The following FBXL13 variants were observed in gnomAD, a reference collection of about 807,000 sequenced individuals.
The protein encoded by FBXL13 is F-box and leucine-rich repeat protein 13.
FBXL13 carries 67 observed loss-of-function variants against 83.6 expected under a neutral mutation model. The ratio of observed to expected loss-of-function variants is 0.80; its 90% CI spans 0.66 to 0.98. The LOEUF is 0.98. Ranked by LOEUF, FBXL13 falls within the 50% of genes least tolerant of loss-of-function variation. The pLI, the probability that FBXL13 is intolerant of heterozygous loss-of-function variation, is 0.00. For missense variants in FBXL13, 822 were observed against 866.5 expected (o/e 0.95, Z 0.64); for synonymous variants, 272 against 299.5 (o/e 0.91, Z 0.95).
chr7:102,881,218 G>C (rs184498863), intron 14 of FBXL13, among the ~76,000 whole-genome samples: 83 of 152,192 alleles, frequency 5.5e-4, no homozygotes, highest in African/African-American at 1.9e-3. Flanking sequence ...GGCCGAGGCA[G>C]GTGGGTCACC....
At chr7:103,009,166 T>C (rs77291772) in intron 6 of FBXL13, among the ~76,000 whole-genome samples, 1,676 of 149,114 alleles carry the variant, frequency 0.011, 35 homozygotes, top group African/African-American at 0.04. Flanking sequence ...CTTAGAAAAA[T>C]AACTAAGAAT....
At chr7:102,860,528 G>C (rs1387770823) in intron 16 of FBXL13, among the ~76,000 whole-genome samples, 2 of 152,172 alleles carry the variant, frequency 1.3e-5, no homozygotes, top group African/African-American at 4.8e-5. Flanking sequence ...AGGGAAGATG[G>C]AACACTGCCA....
At chr7:102,845,426 A>T (rs527575522) in intron 17 of FBXL13, among the ~76,000 whole-genome samples, 1 of 152,156 alleles carries the variant, frequency 6.6e-6, no homozygotes, top group Non-Finnish European at 1.5e-5. Flanking sequence ...ACCAAGATAT[A>T]TATATTTCCT....
chr7:102,950,316 C>T (rs1397743568), intron 8 of FBXL13, among the ~76,000 whole-genome samples: 2 of 152,188 alleles, frequency 1.3e-5, no homozygotes, highest in Non-Finnish European at 2.9e-5. Context: ...ACTGTGACAG[C>T]ACCAAATGCT....
At chr7:102,937,406 C>G (rs147729621) in intron 8 of FBXL13, among the ~76,000 whole-genome samples, 14 of 149,292 alleles carry the variant, frequency 9.4e-5, no homozygotes, top group African/African-American at 3.0e-4. Flanking sequence ...ACTTGGGAGG[C>G]TGAGCCATGA....
intron 6 of FBXL13, among the ~76,000 whole-genome samples, chr7:103,024,862 T>A (rs1431091428): frequency 1.7e-4 from 22 of 129,350 alleles, no homozygotes; most frequent in East Asian, 1.5e-3. Context: ...TATATATTTT[T>A]TTTTTTTTTT....
chr7:102,890,919 A>G (rs1811461082), intron 11 of FBXL13, among the ~76,000 whole-genome samples: 1 of 152,202 alleles, frequency 6.6e-6, no homozygotes, highest in South Asian at 2.1e-4. Flanking sequence ...CCAATGACTA[A>G]TAGGTAGTGT....
At chr7:103,070,589 T>C (rs900906225) in intron 1 of FBXL13, among the ~76,000 whole-genome samples, 3 of 151,862 alleles carry the variant, frequency 2.0e-5, no homozygotes, top group African/African-American at 7.3e-5. Context: ...GGCCAGGTAA[T>C]TTATAAAGAA....
At chr7:102,888,859 A>G (rs1811142475) in intron 11 of FBXL13, among the ~76,000 whole-genome samples, 1 of 152,142 alleles carries the variant, frequency 6.6e-6, no homozygotes, top group African/African-American at 2.4e-5. Context: ...GTTTGGAGTT[A>G]GCTGGGCTGG....
At chr7:102,820,887 A>G (rs959029194) in intron 19 of FBXL13, among the ~76,000 whole-genome samples, 2 of 152,248 alleles carry the variant, frequency 1.3e-5, no homozygotes, top group East Asian at 1.9e-4. Flanking sequence ...TTAATTTTCA[A>G]CACATGAACT....
At chr7:102,839,499 C>T (rs1292234528) in intron 17 of FBXL13, among the ~76,000 whole-genome samples, 2 of 152,170 alleles carry the variant, frequency 1.3e-5, no homozygotes, top group East Asian at 1.9e-4. Context: ...AGGGGCTGGC[C>T]CCCTTCACAG....
At position 102,994,168 on chromosome 7, in the gene FBXL13, A is replaced by G. The variant is rs192897490; in HGVS notation, c.496-26051T>C. 3.3e-5 allele frequency among the ~76,000 whole-genome samples: 5 copies of G among 152,274 alleles called. No individual in the cohort carries two copies. In the East Asian group the frequency reaches 9.6e-4, roughly 29 times the overall value. On this transcript the variant is annotated intron_variant, in intron 6 of 19. Coordinates refer to ENST00000313221, the Ensembl canonical transcript of FBXL13. Reference sequence around the variant, plus strand: ...TAGAATAATTAACTTATATGTTTATATGCTATTATATAAATCTACTCTTAT... The same window carrying G: ...TAGAATAATTAACTTATATGTTTATGTGCTATTATATAAATCTACTCTTAT...
At chr7:102,878,629 T>C (rs1809585149) in intron 14 of FBXL13, among the ~76,000 whole-genome samples, 179 bp from the exon 16 acceptor site, 1 of 152,192 alleles carries the variant, frequency 6.6e-6, no homozygotes, top group African/African-American at 2.4e-5. Context: ...TGTAATAAAA[T>C]GTATAAATGA....
At chr7:102,819,033 A>T (rs899772094) in intron 19 of FBXL13, among the ~76,000 whole-genome samples, 1 of 152,028 alleles carries the variant, frequency 6.6e-6, no homozygotes. Context: ...GCTCCCACTT[A>T]TAAGTGAGAA....
At chr7:103,029,469 C>T in intron 2 of FBXL13, 51 bp from the exon 4 acceptor site, 2 of 1,021,004 alleles carry the variant, frequency 2.0e-6, no homozygotes, top group Non-Finnish European at 2.8e-6. Context: ...AAATGGAATG[C>T]ACAGACTACC....
At chr7:102,816,470 C>T (rs1265019218) in intron 19 of FBXL13, among the ~76,000 whole-genome samples, 2 of 152,196 alleles carry the variant, frequency 1.3e-5, no homozygotes, top group African/African-American at 4.8e-5. Context: ...TAGCTGTCCT[C>T]ACCACCTTTG....
At chr7:102,833,770 T>G (rs115629482) in intron 17 of FBXL13, among the ~76,000 whole-genome samples, 1 of 151,944 alleles carries the variant, frequency 6.6e-6, no homozygotes, top group African/African-American at 2.4e-5. Flanking sequence ...TAGCATTGTT[T>G]TGAAATGCTG....
At chr7:102,884,690 G>A (rs952605115) in intron 11 of FBXL13, among the ~76,000 whole-genome samples, 6 of 151,994 alleles carry the variant, frequency 3.9e-5, no homozygotes, top group Admixed American at 1.3e-4. Context: ...ACTTACATAA[G>A]TTATTTAATC....
chr7:102,837,031 C>A lies in FBXL13; in HGVS notation c.1720-4057G>T, dbSNP rs954606241. Among the ~76,000 whole-genome samples, 4 of 152,146 alleles carry A rather than the reference C, an allele frequency of 2.6e-5. No individual in the cohort carries two copies. The East Asian group carries it at 7.7e-4, about 29-fold the overall frequency. On this transcript the variant is annotated intron_variant, in intron 17 of 19. Coordinates refer to ENST00000313221, the Ensembl canonical transcript of FBXL13. ...CTATAATGAAGACATTTTTGGCTGC[C>A]CCAAAGGCTAAAATGCAACTTCCAC...
Sources: allele counts gnomAD v4.1 joint callset (sites outside exome capture counted in the v4.1 genomes callset), GRCh38; gene constraint gnomAD v4.1.1; transcripts MANE v1.5; gene names NCBI Gene and HGNC (gene_info 2026-07-23, HGNC 2026-07-21).